KIRREL3: variants seen among roughly 807,000 people sequenced by gnomAD.
KIRREL3 encodes kin of IRRE-like protein 3.
A neutral mutation model predicts 89.7 loss-of-function variants in KIRREL3; 36 were observed. The ratio of observed to expected loss-of-function variants is 0.40; its 90% CI spans 0.31 to 0.53. The LOEUF is 0.53. Among genes scored for constraint, KIRREL3 ranks in the 20% least tolerant of loss-of-function variants. The pLI is 0.49. For missense variants in KIRREL3, 864 were observed against 1,056.6 expected (o/e 0.82, Z 2.53); for synonymous variants, 445 against 441.4 (o/e 1.01, Z -0.10).
At chr11:126,721,171 C>T (rs372435133) in intron 1 of KIRREL3, among the ~76,000 whole-genome samples, 14 of 152,268 alleles carry the variant, frequency 9.2e-5, no homozygotes, top group African/African-American at 2.6e-4. Context: ...GGTGCTCATT[C>T]GCTTTGACTG....
intron 1 of KIRREL3, among the ~76,000 whole-genome samples, chr11:126,582,887 T>C (rs1783997): frequency 7.2e-4 from 56 of 77,404 alleles, no homozygotes; most frequent in South Asian, 2.4e-3. Flanking sequence ...TTATCTGAGG[T>C]ACTGAAGAAG....
Position 126,639,742 on chromosome 11 carries a change from T to A in KIRREL3, c.56-76830A>T, listed in dbSNP as rs540144053. ...CCACTTTCCAACTCATCTGTCTGGA[T>A]CAGTCATTTACAAAGTTATTTTTGA... On this transcript the variant is annotated intron_variant, in intron 1 of 16. Coordinates refer to ENST00000525144, the MANE Select transcript of KIRREL3 (RefSeq NM_032531.4). This position sits in a 1 kb window ranked among gnomAD's most constrained non-coding sequence, Gnocchi z 4.3. Among the ~76,000 whole-genome samples, 13 of 152,354 alleles carry A rather than the reference T, an allele frequency of 8.5e-5. No individual in the cohort carries two copies. The South Asian group carries it at 1.5e-3, about 17-fold the overall frequency.
chr11:126,751,205 C>A lies in KIRREL3; in HGVS notation c.56-188293G>T, dbSNP rs187066223. Among the ~76,000 whole-genome samples, 668 of 152,326 alleles carry A rather than the reference C, an allele frequency of 4.4e-3. 1 individual carries two copies. Among genetic ancestry groups the A allele is most frequent in the African/African-American group, 0.015 (638 of 41,570 alleles). On this transcript the variant is annotated intron_variant, in intron 1 of 16. Transcript: ENST00000525144. Reference sequence around the variant, plus strand: ...TCCCCCTCAGCTCATTCAATCCACTCCTCTAGGTCTAAAAGGAAGCAAGCT... The same window carrying A: ...TCCCCCTCAGCTCATTCAATCCACTACTCTAGGTCTAAAAGGAAGCAAGCT...
intron 1 of KIRREL3, among the ~76,000 whole-genome samples, chr11:126,951,108 G>T (rs1038180315): frequency 6.6e-5 from 10 of 152,212 alleles, no homozygotes; most frequent in African/African-American, 2.4e-4. Context: ...GGCTCTGGAG[G>T]TTAGGATGTG....
chr11:126,570,208 T>C lies in KIRREL3; in HGVS notation c.56-7296A>G, dbSNP rs1017298268. On this transcript the variant is annotated intron_variant, in intron 1 of 16. Coordinates refer to ENST00000525144, the MANE Select transcript of KIRREL3 (RefSeq NM_032531.4). The surrounding 1 kb of genome is among the most constrained non-coding windows in gnomAD (Gnocchi z 6.1). ...GCTAATTCTAAGTTTACTAAATAACTATAAACTTTACGTTGTTGTAAAGAC... is the reference window on the plus strand; with the variant it reads ...GCTAATTCTAAGTTTACTAAATAACCATAAACTTTACGTTGTTGTAAAGAC... 6.6e-6 allele frequency among the ~76,000 whole-genome samples: 1 copy of C among 152,234 alleles called. No homozygotes were observed. Among genetic ancestry groups the C allele is most frequent in the Non-Finnish European group, 1.5e-5 (1 of 68,044 alleles).
At chr11:126,959,698 T>C (rs1338476538) in intron 1 of KIRREL3, among the ~76,000 whole-genome samples, 2 of 152,158 alleles carry the variant, frequency 1.3e-5, no homozygotes, top group Admixed American at 6.6e-5. Flanking sequence ...CAGCACTCTC[T>C]ACACAAGCCT....
rs921897862 is a variant in KIRREL3 at position 126,890,968 on chromosome 11, T to C, written c.55+109487A>G. Among the ~76,000 whole-genome samples the C allele has an allele frequency of 6.6e-6, 1 of 152,230 alleles. No homozygotes were observed. Among genetic ancestry groups the C allele is most frequent in the Non-Finnish European group, 1.5e-5 (1 of 68,044 alleles). On this transcript the variant is annotated intron_variant, in intron 1 of 16. Coordinates refer to ENST00000525144, the MANE Select transcript of KIRREL3 (RefSeq NM_032531.4). The surrounding 1 kb of genome is among the most constrained non-coding windows in gnomAD (Gnocchi z 5.1). ...TGGTCCCCCGCTTGGTTCATTACAT[T>C]TCTGAGCCCACTCTGCTGCCTTTAT...
Position 126,965,998 on chromosome 11 carries a change from G to A in KIRREL3, c.55+34457C>T, listed in dbSNP as rs1349702104. Among the ~76,000 whole-genome samples, 2 of 152,150 alleles carry A rather than the reference G, an allele frequency of 1.3e-5. No individual in the cohort carries two copies. Among genetic ancestry groups the A allele is most frequent in the African/African-American group, 2.4e-5 (1 of 41,432 alleles). On this transcript the variant is annotated intron_variant, in intron 1 of 16. Coordinates refer to ENST00000525144, the MANE Select transcript of KIRREL3 (RefSeq NM_032531.4). This position sits in a 1 kb window ranked among gnomAD's most constrained non-coding sequence, Gnocchi z 4.4. Reference sequence around the variant, plus strand: ...AAGGAACAAATGGGGTCTTGAGAGTGTGACCATTTGGTTCACTTGAAAAGG... The same window carrying A: ...AAGGAACAAATGGGGTCTTGAGAGTATGACCATTTGGTTCACTTGAAAAGG...
rs1592428546 is a variant in KIRREL3, at chr11:126,943,818, G to A, written c.55+56637C>T. Among the ~76,000 whole-genome samples, 1 of 152,182 alleles carries A rather than the reference G, an allele frequency of 6.6e-6. No homozygotes were observed. Among genetic ancestry groups the A allele is most frequent in the Non-Finnish European group, 1.5e-5 (1 of 68,036 alleles). On this transcript the variant is annotated intron_variant, in intron 1 of 16. Transcript: ENST00000525144. This position sits in a 1 kb window ranked among gnomAD's most constrained non-coding sequence, Gnocchi z 4.2. Reference sequence around the variant, plus strand: ...CTATTTGAATGAGAGAAAACAAAGTGAGGAAACGGCTAATCTCAAGGTTTA... The same window carrying A: ...CTATTTGAATGAGAGAAAACAAAGTAAGGAAACGGCTAATCTCAAGGTTTA...
chr11:126,751,146 C>T (rs1949322403), intron 1 of KIRREL3, among the ~76,000 whole-genome samples: 1 of 152,152 alleles, frequency 6.6e-6, no homozygotes, highest in Non-Finnish European at 1.5e-5. Context: ...CGGAATGCAT[C>T]CTGTAGCGCC....
rs143588022 is a variant in KIRREL3 at position 126,885,042 on chromosome 11, G to C, written c.55+115413C>G. ...ACTCTTCCACAAATCCAAGTTAATA[G>C]AGAAGGCCCTTGGATTCAGATTGGA... On this transcript the variant is annotated intron_variant, in intron 1 of 16. Coordinates refer to ENST00000525144, the MANE Select transcript of KIRREL3 (RefSeq NM_032531.4). Among the ~76,000 whole-genome samples, 537 of 152,302 alleles carry C rather than the reference G, an allele frequency of 3.5e-3. 1 individual carries two copies. Among genetic ancestry groups the C allele is most frequent in the Non-Finnish European group, 5.9e-3 (403 of 68,030 alleles).
intron 1 of KIRREL3, among the ~76,000 whole-genome samples, chr11:126,717,886 G>T (rs952149644): frequency 4.6e-5 from 7 of 152,172 alleles, no homozygotes; most frequent in Admixed American, 2.0e-4. Flanking sequence ...CTTTAGCAGT[G>T]AAATAATTAA....
Position 126,955,542 on chromosome 11 carries a change from T to G in KIRREL3, c.55+44913A>C, listed in dbSNP as rs752113095. On this transcript the variant is annotated intron_variant, in intron 1 of 16. Coordinates refer to ENST00000525144, the MANE Select transcript of KIRREL3 (RefSeq NM_032531.4). This position sits in a 1 kb window ranked among gnomAD's most constrained non-coding sequence, Gnocchi z 4.6. ...ATTCCAGGGTGAAGGTGGTTTGTCC[T>G]CCAGTGTGTGTTGGCCAGGGAGACT... Among the ~76,000 whole-genome samples, 1 of 152,194 alleles carries G rather than the reference T, an allele frequency of 6.6e-6. No homozygotes were observed. Among genetic ancestry groups the G allele is most frequent in the Non-Finnish European group, 1.5e-5 (1 of 68,030 alleles).
rs1408205083 is a variant in KIRREL3, at chr11:126,752,362, T to A, written c.56-189450A>T. Among the ~76,000 whole-genome samples, 1 of 152,150 alleles carries A rather than the reference T, an allele frequency of 6.6e-6. No homozygotes were observed. The highest frequency in any genetic ancestry group is 1.5e-5 in the Non-Finnish European group (1 of 68,034). ...GTTGAAATGATGGCTTTAAAAAATGTCAGGATTAGTTGGGCATTTATGAGT... is the reference window on the plus strand; with the variant it reads ...GTTGAAATGATGGCTTTAAAAAATGACAGGATTAGTTGGGCATTTATGAGT... On this transcript the variant is annotated intron_variant, in intron 1 of 16. Coordinates refer to ENST00000525144, the MANE Select transcript of KIRREL3 (RefSeq NM_032531.4). The surrounding 1 kb of genome is among the most constrained non-coding windows in gnomAD (Gnocchi z 4.8).
intron 1 of KIRREL3, among the ~76,000 whole-genome samples, chr11:126,813,824 A>G (rs553770953): frequency 1.3e-5 from 2 of 152,254 alleles, no homozygotes; most frequent in South Asian, 4.2e-4. Flanking sequence ...AAGAAAATCT[A>G]GGCAATACCA....
rs1565688312 is a variant in KIRREL3 at position 126,734,518 on chromosome 11, C to G, written c.56-171606G>C. Among the ~76,000 whole-genome samples, 1 of 152,098 alleles carries G rather than the reference C, an allele frequency of 6.6e-6. No homozygotes were observed. The highest frequency in any genetic ancestry group is 1.5e-5 in the Non-Finnish European group (1 of 68,022). ...GTCTCTACGAAAAATACAAAATCAG[C>G]TGGGCATGGCAGCGCGTGCCTGTAA... On this transcript the variant is annotated intron_variant, in intron 1 of 16. Coordinates refer to ENST00000525144, the MANE Select transcript of KIRREL3 (RefSeq NM_032531.4). This position sits in a 1 kb window ranked among gnomAD's most constrained non-coding sequence, Gnocchi z 5.9.
chr11:126,472,196 A>G (rs1002581666), intron 5 of KIRREL3, among the ~76,000 whole-genome samples: 7 of 152,234 alleles, frequency 4.6e-5, no homozygotes, highest in Non-Finnish European at 1.0e-4. Context: ...CTTACATTAA[A>G]AAGTTATTAT....
chr11:126,591,866 G>A (rs1047377575), intron 1 of KIRREL3, among the ~76,000 whole-genome samples: 1 of 152,206 alleles, frequency 6.6e-6, no homozygotes, highest in African/African-American at 2.4e-5. Context: ...CACTAAGCAG[G>A]AAGTCCTGGC....
chr11:126,958,096 G>A (rs913185063), intron 1 of KIRREL3, among the ~76,000 whole-genome samples: 3 of 152,304 alleles, frequency 2.0e-5, no homozygotes, highest in Non-Finnish European at 4.4e-5. Flanking sequence ...TACTAAAAGA[G>A]TTAAAGGAGA....
Sources: gnomAD v4.1 joint callset for allele counts (sites outside exome capture counted in the v4.1 genomes callset) on GRCh38, gnomAD v4.1.1 for gene constraint, Gnocchi (gnomAD v3.1) non-coding constraint, MANE v1.5 for transcripts, NCBI Gene and HGNC (gene_info 2026-07-23, HGNC 2026-07-21) for gene names.